The following NIPA1 variants were observed in gnomAD, a reference collection of about 807,000 sequenced individuals.
The protein encoded by NIPA1 is magnesium transporter NIPA1.
NIPA1 carries 13 observed loss-of-function variants against 23.9 expected under a neutral mutation model. The observed-to-expected ratio is 0.54, with a 90% CI of 0.35 to 0.87. The LOEUF is 0.87. NIPA1 is among the 40% of genes least tolerant of loss of function. The probability of loss-of-function intolerance (pLI) is 0.01; values close to 1 mark genes in which losing one functional copy is unlikely to be tolerated. For synonymous variants in NIPA1, 234 were observed against 202.9 expected (o/e 1.15, Z -1.30); for missense variants, 362 against 429.7 (o/e 0.84, Z 1.39).
intron 4 of NIPA1, among the ~76,000 whole-genome samples, chr15:22,821,165 T>C (rs1467494454): frequency 6.6e-6 from 1 of 151,574 alleles, no homozygotes; most frequent in Non-Finnish European, 1.5e-5. Flanking sequence ...TGGGATTTCA[T>C]CATGTTAGCC....
At chr15:22,814,184 C>G in intron 3 of NIPA1, 3 of 983,356 alleles carry the variant, frequency 3.1e-6, no homozygotes, top group Non-Finnish European at 4.1e-6. Context: ...CAGAATAAAA[C>G]TAAAATTAAT....
chr15:22,787,542 T>A (rs1894735867), intron 1 of NIPA1, among the ~76,000 whole-genome samples: 1 of 152,214 alleles, frequency 6.6e-6, no homozygotes, highest in Non-Finnish European at 1.5e-5. Context: ...CAGGTGGATG[T>A]GCCGCAGCAC....
intron 3 of NIPA1, among the ~76,000 whole-genome samples, chr15:22,817,491 C>T (rs1263760823): frequency 8.9e-6 from 1 of 112,030 alleles, no homozygotes; most frequent in Non-Finnish European, 1.8e-5. Context: ...AAAAGCGAAA[C>T]TCCGTCTCAA....
intron 3 of NIPA1, among the ~76,000 whole-genome samples, chr15:22,815,088 G>C (rs1322841117): frequency 6.6e-6 from 1 of 151,978 alleles, no homozygotes; most frequent in African/African-American, 2.4e-5. Context: ...TGAATATGAT[G>C]TGATTTTTTT....
chr15:22,812,103 G>T, intron 2 of NIPA1, 60 bp from the exon 3 acceptor site: 1 of 1,232,718 alleles, frequency 8.1e-7, no homozygotes, highest in East Asian at 2.4e-5. Flanking sequence ...ATTCAACTGT[G>T]ATCAGTGCTG....
rs533292827 is a variant in NIPA1 at position 22,796,624 on chromosome 15, G to T, written c.178+9790G>T. On this transcript the variant is annotated intron_variant, in intron 1 of 4. Transcript: ENST00000337435. ...CAGCTATTTTCAGTTCTTTAATTAAGCCCTTAATGAATACCAATTTCTTTT... is the reference window on the plus strand; with the variant it reads ...CAGCTATTTTCAGTTCTTTAATTAATCCCTTAATGAATACCAATTTCTTTT... Among the ~76,000 whole-genome samples, 15 of 152,166 alleles carry T rather than the reference G, an allele frequency of 9.9e-5. No individual in the cohort carries two copies. In the East Asian group the frequency reaches 2.9e-3, roughly 29 times the overall value.
chr15:22,824,053 T>C lies in NIPA1; in HGVS notation c.804T>C (p.Phe268=), dbSNP rs764281275. The change falls in exon 5 of 5, where the codon TTT becomes TTC. Residue 268 remains phenylalanine, a synonymous_variant. Coordinates refer to ENST00000337435, the MANE Select transcript of NIPA1 (RefSeq NM_144599.5). The surrounding 1 kb of genome is among the most constrained non-coding windows in gnomAD (Gnocchi z 4.1). ...SVFGAIYYVV[F]TTLVLLASAI... Reference sequence around the variant, plus strand: ...TCGGGGCCATCTACTACGTCGTGTTTACCACGCTGGTCCTGCTGGCCTCAG... The same window carrying C: ...TCGGGGCCATCTACTACGTCGTGTTCACCACGCTGGTCCTGCTGGCCTCAG... 6 of 1,614,036 alleles carry C rather than the reference T, an allele frequency of 3.7e-6. No individual in the cohort carries two copies. The highest frequency in any genetic ancestry group is 4.2e-6 in the Non-Finnish European group (5 of 1,179,998).
At chr15:22,798,153 C>G (rs1367418325) in intron 1 of NIPA1, among the ~76,000 whole-genome samples, 1 of 151,494 alleles carries the variant, frequency 6.6e-6, no homozygotes, top group African/African-American at 2.4e-5. Flanking sequence ...GGCCTCAAAA[C>G]TGATTCTTAA....
chr15:22,799,943 CAAAAAAAAAAAAA>C (rs61174589), intron 1 of NIPA1, among the ~76,000 whole-genome samples: 12 of 47,012 alleles, frequency 2.6e-4, no homozygotes, highest in Admixed American at 7.1e-4. Flanking sequence ...GACCCTGTCT[CAAAAAAAAAAAAA>C]AAAAAAAAAA....
chr15:22,803,118 G>C (rs896063651), intron 1 of NIPA1, among the ~76,000 whole-genome samples: 1 of 151,900 alleles, frequency 6.6e-6, no homozygotes, highest in African/African-American at 2.4e-5. Flanking sequence ...CACCATGCCT[G>C]GCTAAGTTTT....
At position 22,824,032 on chromosome 15, in the gene NIPA1, G is replaced by A. The variant is rs1189933909; in HGVS notation, c.783G>A (p.Gly261=). Residue 261 remains glycine (G), a synonymous_variant, in exon 5 of 5, where the codon GGG becomes GGA. Coordinates refer to ENST00000337435, the MANE Select transcript of NIPA1 (RefSeq NM_144599.5). This position sits in a 1 kb window ranked among gnomAD's most constrained non-coding sequence, Gnocchi z 4.1. ...AGTGCTTCGACTCCTCGGTGTTCGG[G>A]GCCATCTACTACGTCGTGTTTACCA... ...ALECFDSSVF[G]AIYYVVFTTL... The A allele has an allele frequency of 1.2e-6, 2 of 1,614,102 alleles. No homozygotes were observed. The highest frequency in any genetic ancestry group is 1.7e-6 in the Non-Finnish European group (2 of 1,179,974).
chr15:22,787,298 C>G (rs1329114052), intron 1 of NIPA1, among the ~76,000 whole-genome samples: 1 of 152,172 alleles, frequency 6.6e-6, no homozygotes, highest in Non-Finnish European at 1.5e-5. Context: ...GATGCGCGGC[C>G]CGCTCCTAGG....
intron 4 of NIPA1, among the ~76,000 whole-genome samples, chr15:22,821,113 G>A (rs1223648135): frequency 6.6e-6 from 1 of 151,818 alleles, no homozygotes; most frequent in Non-Finnish European, 1.5e-5. Flanking sequence ...ACAGGCGCCT[G>A]CCACCATGCC....
At chr15:22,808,795 G>A (rs752015268) in intron 1 of NIPA1, among the ~76,000 whole-genome samples, 2 of 150,242 alleles carry the variant, frequency 1.3e-5, no homozygotes, top group Admixed American at 6.8e-5. Flanking sequence ...TCAGCCTCCT[G>A]AATAGCTGGG....
intron 3 of NIPA1, among the ~76,000 whole-genome samples, chr15:22,817,636 A>G (rs1361645723): frequency 1.3e-5 from 2 of 151,594 alleles, no homozygotes; most frequent in African/African-American, 4.9e-5. Context: ...CCCCATCTCT[A>G]CTAAAAGAAA....
intron 1 of NIPA1, among the ~76,000 whole-genome samples, chr15:22,807,782 T>TTCTGTGTGTGTGTGTGTGTGTGTGTGTG (rs1555372969): frequency 3.4e-5 from 5 of 145,932 alleles, no homozygotes; most frequent in African/African-American, 1.1e-4. Flanking sequence ...TTAAATTCAC[T>TTCTGTGTGTGTGTGTGTGTGTGTGTGTG]TGTGTGTGTG....
rs1595651055 is a variant in NIPA1, at chr15:22,829,381, A to G, written c.*5142A>G. 6.6e-6 allele frequency: 1 copy of G among 152,548 alleles called. No individual in the cohort carries two copies. The highest frequency in any genetic ancestry group is 1.9e-4 in the East Asian group (1 of 5,204). 9.4% of individuals were successfully genotyped at this position (152,548 alleles called of 1,614,324 possible). Reference sequence around the variant, plus strand: ...CTAGTGCCAAAGGGTCATGTTGAAAAGTTCAGAATATTTATTTGTCAGAAT... The same window carrying G: ...CTAGTGCCAAAGGGTCATGTTGAAAGGTTCAGAATATTTATTTGTCAGAAT... On this transcript the variant is annotated 3_prime_UTR_variant, in exon 5 of 5. Coordinates refer to ENST00000337435, the MANE Select transcript of NIPA1 (RefSeq NM_144599.5).
At position 22,802,131 on chromosome 15, in the gene NIPA1, C is replaced by T. The variant is rs147462489; in HGVS notation, c.179-8618C>T. Among the ~76,000 whole-genome samples the T allele has an allele frequency of 9.1e-4, 139 of 152,164 alleles. 1 individual carries two copies. Among genetic ancestry groups the T allele is most frequent in the African/African-American group, 3.2e-3 (134 of 41,524 alleles). ...ATTAAGGGTCGGGCACGGTGGCTCA[C>T]GCCCGTAATCCCAGCACTTTGGGAG... On this transcript the variant is annotated intron_variant, in intron 1 of 4. Coordinates refer to ENST00000337435, the MANE Select transcript of NIPA1 (RefSeq NM_144599.5).
chr15:22,789,291 A>G (rs972803107), intron 1 of NIPA1, among the ~76,000 whole-genome samples: 8 of 152,184 alleles, frequency 5.3e-5, no homozygotes, highest in African/African-American at 1.4e-4. Context: ...CACTCGGCCT[A>G]TATTATGGTT....
Sources: allele counts gnomAD v4.1 joint callset (sites outside exome capture counted in the v4.1 genomes callset), GRCh38; gene constraint gnomAD v4.1.1; non-coding constraint Gnocchi (gnomAD v3.1); transcripts MANE v1.5; gene names NCBI Gene and HGNC (gene_info 2026-07-23, HGNC 2026-07-21).